Variants in STARD3 observed in about 807,000 individuals in gnomAD.
STARD3 encodes the protein StAR related lipid transfer domain containing 3.
Under a neutral mutation model 62.0 loss-of-function variants are expected in STARD3, and 39 were observed. That is an observed-to-expected ratio of 0.63 (90% confidence interval 0.49 to 0.82). STARD3 has a LOEUF of 0.82. Ranked by LOEUF, STARD3 falls within the 40% of genes least tolerant of loss-of-function variation. The pLI is 0.00. For missense variants in STARD3, 543 were observed against 584.5 expected (o/e 0.93, Z 0.73); for synonymous variants, 229 against 242.4 (o/e 0.94, Z 0.51).
intron 9 of STARD3, 117 bp downstream of exon 9, chr17:39,659,670 A>C: frequency 8.9e-7 from 1 of 1,124,438 alleles, no homozygotes; most frequent in Non-Finnish European, 1.3e-6. Context: ...TTCCTGCCCC[A>C]AGAGAGGGAG....
Position 39,660,361 on chromosome 17 carries a change from C to G in STARD3, c.859-70C>G. ...GAGGGGCCCTCTGGTGGGTGCCCCC[C>G]ACCAAGAGGGAAGGGTTGGTCTGCC... On this transcript the variant is annotated intron_variant, in intron 10 of 14. Coordinates refer to ENST00000336308, the MANE Select transcript of STARD3 (RefSeq NM_006804.4). The surrounding 1 kb of genome is among the most constrained non-coding windows in gnomAD (Gnocchi z 4.8). 1.4e-5 allele frequency: 22 copies of G among 1,611,154 alleles called. 1 individual carries two copies. In the South Asian group the frequency reaches 2.4e-4, roughly 18 times the overall value.
Position 39,658,832 on chromosome 17 carries a change from T to C in STARD3, c.646+12T>C. On this transcript the variant is annotated intron_variant, in intron 7 of 14. Coordinates refer to ENST00000336308, the MANE Select transcript of STARD3 (RefSeq NM_006804.4). ...AGAATCCTTTGCAGGTGAGGGCTGG[T>C]GTGTGGGGGAACTGCTTTCAGGGAG... 6.2e-7 allele frequency: 1 copy of C among 1,613,380 alleles called. No homozygotes were observed. Among genetic ancestry groups the C allele is most frequent in the Non-Finnish European group, 8.5e-7 (1 of 1,179,496 alleles).
chr17:39,637,751 TC>T, intron 1 of STARD3, among the ~76,000 whole-genome samples: 1 of 152,144 alleles, frequency 6.6e-6, no homozygotes, highest in Non-Finnish European at 1.5e-5. Context: ...AATGACACGT[TC>T]CCTCACCCCG....
intron 9 of STARD3, 24 bp downstream of exon 9, chr17:39,659,577 C>G (rs778855025): frequency 1.2e-6 from 2 of 1,607,888 alleles, no homozygotes; most frequent in Non-Finnish European, 8.5e-7. Context: ...TCCCACCTGA[C>G]CTTCCCATGC....
In STARD3 at chr17:39,660,136, T is replaced by G; in HGVS notation, c.796-75T>G. 6.6e-7 allele frequency: 1 copy of G among 1,507,108 alleles called. No homozygotes were observed. The highest frequency in any genetic ancestry group is 1.1e-5 in the South Asian group (1 of 88,900). The allele number at this position is 1,507,108 out of a possible 1,614,324, so 93.4% of individuals were successfully genotyped here. On this transcript the variant is annotated intron_variant, in intron 9 of 14. Coordinates refer to ENST00000336308, the MANE Select transcript of STARD3 (RefSeq NM_006804.4). This position sits in a 1 kb window ranked among gnomAD's most constrained non-coding sequence, Gnocchi z 4.8. ...TGAGCTGTTAAAAACCTGCCCTGCC[T>G]GTCACCCATTTCTGTGCCACCAGCC...
intron 3 of STARD3, 76 bp from the exon 4 acceptor site, chr17:39,657,698 AC>A (rs2145014296): frequency 6.5e-7 from 1 of 1,529,870 alleles, no homozygotes. Flanking sequence ...TGGGGGCAGG[AC>A]CAGAGGGGAG....
chr17:39,661,717 C>T (rs972793870), intron 13 of STARD3, among the ~76,000 whole-genome samples: 1 of 152,188 alleles, frequency 6.6e-6, no homozygotes, highest in Non-Finnish European at 1.5e-5. Flanking sequence ...GCTTTGGGCA[C>T]TGGACAGACT....
At chr17:39,646,965 G>A (rs1252390782) in intron 1 of STARD3, among the ~76,000 whole-genome samples, 2 of 152,148 alleles carry the variant, frequency 1.3e-5, no homozygotes, top group Non-Finnish European at 2.9e-5. Flanking sequence ...ACTTTGGGAG[G>A]CCGAGGTGGG....
chr17:39,658,627 C>T (rs2145023194), intron 6 of STARD3, 95 bp from the exon 7 acceptor site: 2 of 1,568,558 alleles, frequency 1.3e-6, no homozygotes, highest in Non-Finnish European at 8.8e-7. Flanking sequence ...CACCTCTGAG[C>T]AGCCTCCAGT....
intron 1 of STARD3, among the ~76,000 whole-genome samples, chr17:39,645,315 G>T (rs1597789137): frequency 6.6e-6 from 1 of 152,300 alleles, no homozygotes; most frequent in East Asian, 1.9e-4. Context: ...AAGGAACCAG[G>T]CTAGAGGGTT....
intron 1 of STARD3, among the ~76,000 whole-genome samples, chr17:39,649,845 C>T (rs1447136175): frequency 7.4e-6 from 1 of 135,256 alleles, no homozygotes; most frequent in African/African-American, 2.9e-5. Context: ...CAGCCTGGGC[C>T]ACAGAGTGAG....
In STARD3 at chr17:39,662,556, T is replaced by G. The variant is rs144131619; in HGVS notation, c.1233+212T>G. 1,367 of 633,128 alleles carry G rather than the reference T, an allele frequency of 2.2e-3. 10 individuals carry two copies. The African/African-American group carries it at 0.023, about 11-fold the overall frequency. 39.2% of individuals were successfully genotyped at this position (633,128 alleles called of 1,614,324 possible). A position where few individuals can be genotyped will look rare whatever the true frequency, so the allele number is the denominator to read the frequency against. On this transcript the variant is annotated intron_variant, in intron 14 of 14. Coordinates refer to ENST00000336308, the MANE Select transcript of STARD3 (RefSeq NM_006804.4). ...TGTGCCCCCCCTTCTTACCTCTGAG[T>G]CCTGAGGCCCTGAGGAAGGGTGGCT...
In STARD3 at chr17:39,662,867, C is replaced by G. The variant is rs1045318279; in HGVS notation, c.1297C>G (p.His433Asp). The G allele has an allele frequency of 6.2e-7, 1 of 1,612,724 alleles. No individual in the cohort carries two copies. Among genetic ancestry groups the G allele is most frequent in the African/African-American group, 1.3e-5 (1 of 74,896 alleles). ...LAATMFEFAF[H>D]LRQRISELGA... ...GGCCACCATGTTTGAATTTGCCTTT[C>G]ACCTGCGACAGCGCATCAGCGAGCT... Residue 433 changes from histidine (H) to aspartate (D), a missense_variant, in exon 15 of 15, where the codon CAC becomes GAC. Coordinates refer to ENST00000336308, the MANE Select transcript of STARD3 (RefSeq NM_006804.4).
rs769126316 is a variant in STARD3, at chr17:39,653,715, CTCT to C, written c.187_189del (p.Phe63del). The C allele has an allele frequency of 6.2e-7, 1 of 1,614,186 alleles. No homozygotes were observed. Among genetic ancestry groups the C allele is most frequent in the East Asian group, 2.2e-5 (1 of 44,882 alleles). On this transcript the variant is annotated inframe_deletion, in exon 2 of 15. Transcript: ENST00000336308. ...CTGTCTCTTCGTCACCTTCGACCTGCTCTTCATCTCCCTGCTCTGGATCATCGA... is the reference window on the plus strand; with the variant it reads ...CTGTCTCTTCGTCACCTTCGACCTGCTCATCTCCCTGCTCTGGATCATCGA...
intron 1 of STARD3, among the ~76,000 whole-genome samples, chr17:39,649,865 CAA>C (rs10713558): frequency 2.2e-3 from 186 of 84,964 alleles, no homozygotes; most frequent in African/African-American, 3.4e-3. Context: ...GACTCCGTCT[CAA>C]AAAAAAAAAA....
At chr17:39,662,764 G>T (rs562331781) in intron 14 of STARD3, 40 bp from the exon 15 acceptor site, 1 of 1,566,016 alleles carries the variant, frequency 6.4e-7, no homozygotes, top group East Asian at 2.3e-5. Flanking sequence ...CCCTGCTGAG[G>T]GCAGGCCATC....
chr17:39,638,647 ATAG>A (rs1228362681), intron 1 of STARD3, among the ~76,000 whole-genome samples: 1 of 152,194 alleles, frequency 6.6e-6, no homozygotes, highest in Non-Finnish European at 1.5e-5. Flanking sequence ...CCATAATAGC[ATAG>A]TAGCTGAGAA....
rs2057196067 is a variant in STARD3 at position 39,661,347 on chromosome 17, A to G, written c.1139+262A>G. 1.3e-5 allele frequency: 7 copies of G among 519,060 alleles called. 1 individual carries two copies. The highest frequency in any genetic ancestry group is 1.3e-4 in the South Asian group (6 of 47,658). The allele number at this position is 519,060 out of a possible 1,614,324, so 32.2% of individuals were successfully genotyped here. ...CGGCGGTGGCTGGCTGGGGTAGACC[A>G]TGGATGGGGACCCGTGCAGGGAAGG... On this transcript the variant is annotated intron_variant, in intron 13 of 14. Coordinates refer to ENST00000336308, the MANE Select transcript of STARD3 (RefSeq NM_006804.4).
rs1208711353 is a variant in STARD3 at position 39,660,847 on chromosome 17, A to G, written c.992A>G (p.Tyr331Cys). 4 of 1,599,634 alleles carry G rather than the reference A, an allele frequency of 2.5e-6. No homozygotes were observed. The highest frequency in any genetic ancestry group is 3.4e-6 in the Non-Finnish European group (4 of 1,171,314). ...QRVEDNTLIS[Y>C]DVSAGAAGGV... ...GTGGAAGACAACACCCTCATCTCCT[A>G]TGACGTGTCTGCAGGGGCTGCGGGC... Residue 331 changes from tyrosine to cysteine, a missense_variant, in exon 12 of 15, where the codon TAT becomes TGT. Tyr to Cys is a radical substitution (Grantham distance 194). Coordinates refer to ENST00000336308, the MANE Select transcript of STARD3 (RefSeq NM_006804.4). This position sits in a 1 kb window ranked among gnomAD's most constrained non-coding sequence, Gnocchi z 4.8.
Sources: allele counts gnomAD v4.1 joint callset (sites outside exome capture counted in the v4.1 genomes callset), GRCh38; gene constraint gnomAD v4.1.1; non-coding constraint Gnocchi (gnomAD v3.1); transcripts MANE v1.5; gene names NCBI Gene and HGNC (gene_info 2026-07-23, HGNC 2026-07-21).